The following PARD3B variants were observed in gnomAD, a reference collection of about 807,000 sequenced individuals.
The protein encoded by PARD3B is par-3 family cell polarity regulator beta, also known as partitioning defective 3 homolog B.
In PARD3B, 103 loss-of-function variants were observed where a neutral mutation model predicts 130.2. The ratio of observed to expected loss-of-function variants is 0.79; its 90% CI spans 0.67 to 0.93. The LOEUF is 0.93. Among genes scored for constraint, PARD3B ranks in the 40% least tolerant of loss-of-function variants. The pLI, the probability that PARD3B is intolerant of heterozygous loss-of-function variation, is 0.00. For missense variants in PARD3B, 1,609 were observed against 1,499.2 expected, an observed-to-expected ratio of 1.07 and a Z score of -1.21; for synonymous variants, 583 against 553.2, an observed-to-expected ratio of 1.05 and a Z score of -0.76.
chr2:204,634,767 T>C (rs1172423905), intron 1 of PARD3B, among the ~76,000 whole-genome samples: 3 of 152,214 alleles, frequency 2.0e-5, no homozygotes, highest in Non-Finnish European at 4.4e-5. Flanking sequence ...TTGCATAATA[T>C]AGTTTTTTTC....
At chr2:205,356,890 CAAA>C (rs33968644) in intron 18 of PARD3B, among the ~76,000 whole-genome samples, 1 of 131,340 alleles carries the variant, frequency 7.6e-6, no homozygotes, top group African/African-American at 2.9e-5. Context: ...GACTCTGTCT[CAAA>C]AAAAAAAAAA....
rs947850066 is a variant in PARD3B, at chr2:204,641,045, AATAGTATATTAT to A, written c.121-45128_121-45117del. ...ATATATTTACTATATTATATGTTAT[AATAGTATATTAT>A]ATAGTATTATATATTGTATATTACT... On this transcript the variant is annotated intron_variant, in intron 1 of 22. Transcript: ENST00000406610. 2.8e-4 allele frequency among the ~76,000 whole-genome samples: 41 copies of A among 147,896 alleles called. No individual in the cohort carries two copies. The South Asian group carries it at 8.2e-3, about 29-fold the overall frequency.
intron 8 of PARD3B, among the ~76,000 whole-genome samples, chr2:205,123,425 T>C (rs1037799292): frequency 3.9e-5 from 6 of 151,988 alleles, no homozygotes; most frequent in African/African-American, 7.3e-5. Flanking sequence ...AAAAGAGACA[T>C]TGGAGCCATA....
chr2:204,791,702 C>T (rs1368270694), intron 2 of PARD3B, among the ~76,000 whole-genome samples: 1 of 152,182 alleles, frequency 6.6e-6, no homozygotes, highest in African/African-American at 2.4e-5. Context: ...TGAATTGCCT[C>T]ACCCTTTTAA....
chr2:205,031,819 T>G (rs1233754469), intron 3 of PARD3B, among the ~76,000 whole-genome samples: 5 of 152,132 alleles, frequency 3.3e-5, no homozygotes, highest in Non-Finnish European at 5.9e-5. Context: ...TTCATAGGTC[T>G]TGTGGGGGAA....
At chr2:204,753,155 A>G (rs2040530406) in intron 2 of PARD3B, among the ~76,000 whole-genome samples, 1 of 152,166 alleles carries the variant, frequency 6.6e-6, no homozygotes, top group Non-Finnish European at 1.5e-5. Context: ...ACCTGCTTGT[A>G]GTTTATATTA....
intron 1 of PARD3B, among the ~76,000 whole-genome samples, chr2:204,608,449 G>A (rs2033807651): frequency 6.6e-6 from 1 of 152,184 alleles, no homozygotes. Flanking sequence ...GAATAAAGCT[G>A]TGCAGCATGC....
intron 19 of PARD3B, among the ~76,000 whole-genome samples, chr2:205,433,457 G>A (rs1234060997): frequency 6.7e-5 from 10 of 150,234 alleles, no homozygotes; most frequent in Admixed American, 3.3e-4. Context: ...ACCTGAACCC[G>A]GGCAGTGGAG....
chr2:205,513,381 C>T (rs996233401), intron 21 of PARD3B, among the ~76,000 whole-genome samples: 3 of 151,948 alleles, frequency 2.0e-5, no homozygotes, highest in African/African-American at 7.3e-5. Flanking sequence ...TCCCTAAATA[C>T]ATGATGATGC....
intron 1 of PARD3B, among the ~76,000 whole-genome samples, chr2:204,565,688 G>T (rs2031631411): frequency 6.6e-6 from 1 of 152,066 alleles, no homozygotes; most frequent in South Asian, 2.1e-4. Context: ...AAGTGCCGAG[G>T]TGTACATCAT....
At chr2:205,144,790 A>G (rs4675500) in intron 10 of PARD3B, among the ~76,000 whole-genome samples, 54,083 of 152,026 alleles carry the variant, frequency 0.36, 10,170 homozygotes, top group Admixed American at 0.49. Flanking sequence ...TTAACAGCAT[A>G]CTAAAGGGGA....
chr2:205,575,495 T>C lies in PARD3B; in HGVS notation c.3260+22092T>C, dbSNP rs1307955941. ...ATTATAGTATCATGCAAAGTGTTTTTACTGCCCTAAAAATCTTAAGTGCTC... is the reference window on the plus strand; with the variant it reads ...ATTATAGTATCATGCAAAGTGTTTTCACTGCCCTAAAAATCTTAAGTGCTC... On this transcript the variant is annotated intron_variant, in intron 22 of 22. Coordinates refer to ENST00000406610, the MANE Select transcript of PARD3B (RefSeq NM_001302769.2). The surrounding 1 kb of genome is among the most constrained non-coding windows in gnomAD (Gnocchi z 4.6). Among the ~76,000 whole-genome samples, 4 of 152,240 alleles carry C rather than the reference T, an allele frequency of 2.6e-5. No individual in the cohort carries two copies. Among genetic ancestry groups the C allele is most frequent in the African/African-American group, 4.8e-5 (2 of 41,560 alleles).
chr2:204,796,231 A>G (rs1218728544), intron 2 of PARD3B, among the ~76,000 whole-genome samples: 2 of 152,186 alleles, frequency 1.3e-5, no homozygotes, highest in African/African-American at 4.8e-5. Flanking sequence ...TTGCAATATG[A>G]TCAAATGGTT....
rs139060076 is a variant in PARD3B, at chr2:205,308,373, G to A, written c.2630+6672G>A. Among the ~76,000 whole-genome samples, 1,239 of 152,140 alleles carry A rather than the reference G, an allele frequency of 8.1e-3. 25 individuals carry two copies. The highest frequency in any genetic ancestry group is 0.028 in the African/African-American group (1,162 of 41,536). ...TGTAATCCCAGCACTTTGGGAGGCC[G>A]AGGCAGGCAGATCACGAGGTCAGGA... On this transcript the variant is annotated intron_variant, in intron 18 of 22. Coordinates refer to ENST00000406610, the MANE Select transcript of PARD3B (RefSeq NM_001302769.2).
chr2:204,812,509 A>C (rs1397233338), intron 2 of PARD3B, among the ~76,000 whole-genome samples: 2 of 152,106 alleles, frequency 1.3e-5, no homozygotes, highest in Non-Finnish European at 2.9e-5. Flanking sequence ...ATACATTGGC[A>C]TAGTTCTGGG....
At chr2:205,168,588 T>A (rs2034965112) in intron 11 of PARD3B, among the ~76,000 whole-genome samples, 1 of 152,006 alleles carries the variant, frequency 6.6e-6, no homozygotes, top group Non-Finnish European at 1.5e-5. Flanking sequence ...CCTCATTGAA[T>A]CAACTTCATT....
intron 2 of PARD3B, among the ~76,000 whole-genome samples, chr2:204,818,991 A>T (rs1559169936): frequency 6.6e-6 from 1 of 152,164 alleles, no homozygotes; most frequent in African/African-American, 2.4e-5. Context: ...GACTAAGATG[A>T]TCCATGTGGT....
At chr2:205,104,121 T>G (rs1320506594) in intron 4 of PARD3B, among the ~76,000 whole-genome samples, 2 of 152,218 alleles carry the variant, frequency 1.3e-5, no homozygotes, top group South Asian at 2.1e-4. Flanking sequence ...TCTTTTCCTT[T>G]CTGGTTTAAA....
chr2:205,528,966 T>C (rs918251432), intron 21 of PARD3B, among the ~76,000 whole-genome samples: 2 of 152,164 alleles, frequency 1.3e-5, no homozygotes, highest in African/African-American at 4.8e-5. Context: ...ATTAAGTCAA[T>C]CTATGTTTAT....
Sources: gnomAD v4.1 joint callset for allele counts (sites outside exome capture counted in the v4.1 genomes callset) on GRCh38, gnomAD v4.1.1 for gene constraint, Gnocchi (gnomAD v3.1) non-coding constraint, MANE v1.5 for transcripts, NCBI Gene and HGNC (gene_info 2026-07-23, HGNC 2026-07-21) for gene names.